The following AGBL1 variants were observed in gnomAD, a reference collection of about 807,000 sequenced individuals.
AGBL1 encodes the protein cytosolic carboxypeptidase 4.
In AGBL1, 130 loss-of-function variants were observed where a neutral mutation model predicts 118.9. The ratio of observed to expected loss-of-function variants is 1.09; its 90% CI spans 0.95 to 1.26. AGBL1 has a LOEUF of 1.26. Ranked by LOEUF, AGBL1 falls within the 50% of genes most tolerant of loss-of-function variation. The probability of loss-of-function intolerance (pLI) is 0.00; values close to 1 mark genes in which losing one functional copy is unlikely to be tolerated. For missense variants in AGBL1, 1,584 were observed against 1,298.1 expected, an observed-to-expected ratio of 1.22 and a Z score of -3.38; for synonymous variants, 555 against 478.9, an observed-to-expected ratio of 1.16 and a Z score of -2.08.
At chr15:86,340,513 G>A (rs1053339293) in intron 17 of AGBL1, among the ~76,000 whole-genome samples, 1 of 152,180 alleles carries the variant, frequency 6.6e-6, no homozygotes, top group Non-Finnish European at 1.5e-5. Context: ...GGGCTATGCT[G>A]TCACAAGCCA....
At chr15:86,761,987 A>G (rs1212536672) in intron 22 of AGBL1, among the ~76,000 whole-genome samples, 2 of 151,956 alleles carry the variant, frequency 1.3e-5, no homozygotes, top group African/African-American at 2.4e-5. Flanking sequence ...TAAGTCTTTA[A>G]TCCATCTTGA....
intron 23 of AGBL1, among the ~76,000 whole-genome samples, chr15:86,941,629 G>C (rs892013955): frequency 6.6e-6 from 1 of 152,200 alleles, no homozygotes; most frequent in African/African-American, 2.4e-5. Flanking sequence ...GGCAGATCTT[G>C]CTGGAAATAG....
intron 1 of AGBL1, among the ~76,000 whole-genome samples, chr15:86,116,951 CTTT>C (rs35297740): frequency 1.4e-5 from 2 of 139,708 alleles, no homozygotes; most frequent in African/African-American, 5.2e-5. Flanking sequence ...CTTTTCTTTT[CTTT>C]TTTTTTTTTT....
chr15:86,611,998 C>A (rs532857012), intron 21 of AGBL1, among the ~76,000 whole-genome samples: 1 of 152,206 alleles, frequency 6.6e-6, no homozygotes, highest in Non-Finnish European at 1.5e-5. Flanking sequence ...TTGTTTTGAG[C>A]CCAGTTCAAA....
At chr15:86,308,842 A>T (rs986114159) in intron 17 of AGBL1, among the ~76,000 whole-genome samples, 1 of 152,172 alleles carries the variant, frequency 6.6e-6, no homozygotes, top group Non-Finnish European at 1.5e-5. Context: ...TATATTTTAA[A>T]ATCAGGTATT....
At chr15:86,787,070 T>A (rs1350565785) in intron 22 of AGBL1, among the ~76,000 whole-genome samples, 1 of 152,176 alleles carries the variant, frequency 6.6e-6, no homozygotes, top group Non-Finnish European at 1.5e-5. Context: ...TATTACTGAT[T>A]CTTTTGTACT....
chr15:86,156,915 G>A (rs1477553682), intron 4 of AGBL1, among the ~76,000 whole-genome samples: 3 of 150,532 alleles, frequency 2.0e-5, no homozygotes, highest in Non-Finnish European at 4.4e-5. Flanking sequence ...TTAGCCTCCC[G>A]ACTAGCTGGG....
At chr15:86,386,733 C>T (rs943509138) in intron 17 of AGBL1, among the ~76,000 whole-genome samples, 3 of 152,110 alleles carry the variant, frequency 2.0e-5, no homozygotes, top group Non-Finnish European at 4.4e-5. Flanking sequence ...ATGCCCAGGA[C>T]CTCAAGCCTG....
At chr15:86,561,729 A>G (rs1402112501) in intron 21 of AGBL1, among the ~76,000 whole-genome samples, 1 of 152,182 alleles carries the variant, frequency 6.6e-6, no homozygotes, top group Non-Finnish European at 1.5e-5. Flanking sequence ...CATTGAATCT[A>G]TAAGTTACCT....
rs911292798 is a variant in AGBL1 at position 86,086,781 on chromosome 15, T to C, written c.51+6758T>C. Among the ~76,000 whole-genome samples, 6 of 152,206 alleles carry C rather than the reference T, an allele frequency of 3.9e-5. No homozygotes were observed. In the East Asian group the frequency reaches 9.7e-4, roughly 25 times the overall value. Reference sequence around the variant, plus strand: ...TGCTTAACTTTGTGCGATTCCTTCATGTTGCCATATATTGTTGTAGATGGT... The same window carrying C: ...TGCTTAACTTTGTGCGATTCCTTCACGTTGCCATATATTGTTGTAGATGGT... On this transcript the variant is annotated intron_variant, in intron 1 of 22. Transcript: ENST00000614907.
intron 5 of AGBL1, among the ~76,000 whole-genome samples, chr15:86,205,592 G>A (rs533414769): frequency 6.6e-6 from 1 of 152,330 alleles, no homozygotes; most frequent in Non-Finnish European, 1.5e-5. Flanking sequence ...GAGAATTCCT[G>A]TTGCTCCATC....
intron 21 of AGBL1, among the ~76,000 whole-genome samples, chr15:86,594,956 C>G (rs1034952704): frequency 7.2e-5 from 11 of 152,190 alleles, no homozygotes; most frequent in African/African-American, 2.7e-4. Flanking sequence ...TGTCTTTCGT[C>G]CTTGTTTCAC....
intron 21 of AGBL1, among the ~76,000 whole-genome samples, chr15:86,614,287 A>T (rs1468199765): frequency 6.6e-6 from 1 of 152,096 alleles, no homozygotes; most frequent in Non-Finnish European, 1.5e-5. Flanking sequence ...GCTCATCCTT[A>T]TTGTCACTTT....
intron 18 of AGBL1, among the ~76,000 whole-genome samples, chr15:86,417,860 C>G (rs1453176945): frequency 6.6e-6 from 1 of 152,166 alleles, no homozygotes; most frequent in Admixed American, 6.5e-5. Context: ...ATTCATGAAG[C>G]CTGAAGCATG....
chr15:86,148,876 A>G (rs1433438949), intron 3 of AGBL1, among the ~76,000 whole-genome samples: 1 of 152,232 alleles, frequency 6.6e-6, no homozygotes, highest in East Asian at 1.9e-4. Flanking sequence ...ACAGCCAGAG[A>G]GAAAGGTCAA....
At chr15:86,710,432 C>A (rs2086536548) in intron 22 of AGBL1, among the ~76,000 whole-genome samples, 2 of 152,222 alleles carry the variant, frequency 1.3e-5, no homozygotes, top group African/African-American at 2.4e-5. Flanking sequence ...CAAGGTAGTT[C>A]TATTATTTCC....
At chr15:86,260,090 A>G (rs2078958988) in intron 9 of AGBL1, among the ~76,000 whole-genome samples, 1 of 152,266 alleles carries the variant, frequency 6.6e-6, no homozygotes, top group Non-Finnish European at 1.5e-5. Context: ...AGTCAGTGTG[A>G]GGATGAATTG....
chr15:86,314,078 A>C (rs1248809782), intron 17 of AGBL1, among the ~76,000 whole-genome samples: 2 of 152,168 alleles, frequency 1.3e-5, no homozygotes, highest in East Asian at 3.8e-4. Flanking sequence ...ATATATATTA[A>C]ATAGGTATCA....
chr15:86,581,719 C>T (rs763068595), intron 21 of AGBL1, among the ~76,000 whole-genome samples: 1 of 152,026 alleles, frequency 6.6e-6, no homozygotes, highest in African/African-American at 2.4e-5. Context: ...TCTTCCTCTC[C>T]CCCAAATCTC....
Sources: gnomAD v4.1 joint callset for allele counts (sites outside exome capture counted in the v4.1 genomes callset) on GRCh38, gnomAD v4.1.1 for gene constraint, MANE v1.5 for transcripts, NCBI Gene and HGNC (gene_info 2026-07-23, HGNC 2026-07-21) for gene names.